The following EHBP1 variants were observed in gnomAD, a reference collection of about 807,000 sequenced individuals.
The protein encoded by EHBP1 is EH domain-binding protein 1.
EHBP1 carries 55 observed loss-of-function variants against 144.0 expected under a neutral mutation model. The ratio of observed to expected loss-of-function variants is 0.38; its 90% CI spans 0.31 to 0.48. EHBP1 has a LOEUF of 0.48. EHBP1 is among the 20% of genes least tolerant of loss of function. The probability of loss-of-function intolerance (pLI) is 0.98; values close to 1 mark genes in which losing one functional copy is unlikely to be tolerated. For synonymous variants in EHBP1, 469 were observed against 472.7 expected (o/e 0.99, Z 0.10); for missense variants, 1,200 against 1,364.2 (o/e 0.88, Z 1.90).
chr2:62,953,948 T>A (rs774338805), intron 13 of EHBP1, among the ~76,000 whole-genome samples: 2 of 152,222 alleles, frequency 1.3e-5, no homozygotes, highest in African/African-American at 4.8e-5. Context: ...AGATGATCCC[T>A]CATTTCAAAG....
intron 10 of EHBP1, among the ~76,000 whole-genome samples, chr2:62,896,374 G>A (rs1469487355): frequency 2.6e-5 from 4 of 152,138 alleles, no homozygotes; most frequent in African/African-American, 7.2e-5. Flanking sequence ...AGGATCTTAC[G>A]GACCATTGTA....
intron 9 of EHBP1, among the ~76,000 whole-genome samples, chr2:62,873,750 T>A (rs1381168072): frequency 6.6e-6 from 1 of 152,184 alleles, no homozygotes; most frequent in Non-Finnish European, 1.5e-5. Context: ...AATATTAGGC[T>A]GACAGTGGAT....
At chr2:62,924,984 A>G (rs750835952) in intron 10 of EHBP1, among the ~76,000 whole-genome samples, 1 of 152,240 alleles carries the variant, frequency 6.6e-6, no homozygotes, top group Non-Finnish European at 1.5e-5. Context: ...GCAACAGTGC[A>G]TCAACGATGG....
In EHBP1 at chr2:62,682,217, A is replaced by G. The variant is rs74958470; in HGVS notation, c.-296+8134A>G. On this transcript the variant is annotated intron_variant, in intron 1 of 22. Transcript: ENST00000405015. ...ACAGCAGAGGACTTTCCAATTTAAG[A>G]TATCAAATAAAAGATATTTAATTGT... Among the ~76,000 whole-genome samples the G allele has an allele frequency of 5.8e-3, 890 of 152,362 alleles. 7 individuals carry two copies. Among genetic ancestry groups the G allele is most frequent in the South Asian group, 0.01 (49 of 4,834 alleles).
At chr2:63,007,847 T>G (rs2060110038) in intron 19 of EHBP1, among the ~76,000 whole-genome samples, 1 of 151,878 alleles carries the variant, frequency 6.6e-6, no homozygotes, top group Admixed American at 6.6e-5. Flanking sequence ...TGGTGGATTA[T>G]GATTAATTTT....
At chr2:62,685,649 A>G (rs1275618366) in intron 1 of EHBP1, among the ~76,000 whole-genome samples, 3 of 152,234 alleles carry the variant, frequency 2.0e-5, no homozygotes, top group African/African-American at 7.2e-5. Flanking sequence ...TTGATATATG[A>G]ATTTGATGGG....
At chr2:62,872,386 A>AT (rs1410069857) in intron 9 of EHBP1, among the ~76,000 whole-genome samples, 2 of 152,066 alleles carry the variant, frequency 1.3e-5, no homozygotes, top group African/African-American at 4.8e-5. Flanking sequence ...TCTGAAATAG[A>AT]TTTTTCAAAT....
chr2:62,760,522 T>A (rs1429429834), intron 3 of EHBP1, among the ~76,000 whole-genome samples: 1 of 152,328 alleles, frequency 6.6e-6, no homozygotes, highest in African/African-American at 2.4e-5. Flanking sequence ...GCAGTCTAAT[T>A]ACTATTCCCT....
At chr2:62,781,398 G>A (rs545320942) in intron 5 of EHBP1, among the ~76,000 whole-genome samples, 83 of 152,118 alleles carry the variant, frequency 5.5e-4, no homozygotes, top group Non-Finnish European at 1.0e-3. Flanking sequence ...GAAGCTATTC[G>A]TGGTATTTAT....
intron 5 of EHBP1, among the ~76,000 whole-genome samples, chr2:62,825,439 C>T (rs1013277333): frequency 6.6e-6 from 1 of 151,928 alleles, no homozygotes; most frequent in Non-Finnish European, 1.5e-5. Flanking sequence ...ATTCTGAGAT[C>T]TGCTGGAGTC....
At chr2:62,713,070 T>C (rs2035313257) in intron 2 of EHBP1, among the ~76,000 whole-genome samples, 1 of 152,168 alleles carries the variant, frequency 6.6e-6, no homozygotes, top group Non-Finnish European at 1.5e-5. Context: ...AGACTATAGC[T>C]ATTAGTATAT....
At chr2:62,967,046 T>G (rs1380347760) in intron 14 of EHBP1, among the ~76,000 whole-genome samples, 1 of 152,230 alleles carries the variant, frequency 6.6e-6, no homozygotes, top group East Asian at 1.9e-4. Flanking sequence ...ATCATAATTA[T>G]GCCATGTACA....
chr2:62,722,204 T>G (rs924893969), intron 2 of EHBP1, among the ~76,000 whole-genome samples: 1 of 152,126 alleles, frequency 6.6e-6, no homozygotes, highest in African/African-American at 2.4e-5. Context: ...TGATCTTGGC[T>G]CACTGCAACC....
chr2:62,827,070 A>G (rs2046391935), intron 6 of EHBP1, among the ~76,000 whole-genome samples: 2 of 152,220 alleles, frequency 1.3e-5, no homozygotes, highest in African/African-American at 4.8e-5. Flanking sequence ...ATCTAATCTG[A>G]ATCACAGTTC....
intron 3 of EHBP1, among the ~76,000 whole-genome samples, chr2:62,752,596 A>T (rs975890843): frequency 6.6e-6 from 1 of 152,048 alleles, no homozygotes; most frequent in Non-Finnish European, 1.5e-5. Flanking sequence ...GTCTCCCATT[A>T]TTATTGTGTG....
chr2:62,957,640 G>GATTTTT (rs771682026), intron 14 of EHBP1, among the ~76,000 whole-genome samples: 1 of 69,700 alleles, frequency 1.4e-5, no homozygotes, highest in Non-Finnish European at 2.7e-5. Context: ...GAAAATAAAT[G>GATTTTT]CTTTTTTTTT....
At chr2:62,972,026 G>A (rs2058521615) in intron 14 of EHBP1, among the ~76,000 whole-genome samples, 1 of 152,088 alleles carries the variant, frequency 6.6e-6, no homozygotes, top group African/African-American at 2.4e-5. Context: ...GAAAGACATA[G>A]GGGTTTCCTA....
intron 10 of EHBP1, among the ~76,000 whole-genome samples, chr2:62,919,811 T>C (rs1156682889): frequency 6.6e-6 from 1 of 151,580 alleles, no homozygotes; most frequent in Non-Finnish European, 1.5e-5. Context: ...GAAATATTAA[T>C]AAAGAAAAAA....
chr2:63,030,562 A>AGG (rs2061196962), intron 19 of EHBP1, among the ~76,000 whole-genome samples: 6 of 151,550 alleles, frequency 4.0e-5, no homozygotes, highest in African/African-American at 1.5e-4. Context: ...ATCTCGGCCC[A>AGG]CTGCAAGCTC....
Sources: allele counts gnomAD v4.1 joint callset (sites outside exome capture counted in the v4.1 genomes callset), GRCh38; gene constraint gnomAD v4.1.1; transcripts MANE v1.5; gene names NCBI Gene and HGNC (gene_info 2026-07-23, HGNC 2026-07-21).